Variants in PSME4 observed in about 807,000 individuals in gnomAD.
PSME4 encodes the protein proteasome activator subunit 4.
In PSME4, 89 loss-of-function variants were observed where a neutral mutation model predicts 253.9. The ratio of observed to expected loss-of-function variants is 0.35; its 90% CI spans 0.30 to 0.42. PSME4 has a LOEUF of 0.42. PSME4 is among the 10% of genes least tolerant of loss of function. PSME4 has a pLI of 1.00. For missense variants in PSME4, 2,014 were observed against 2,195.2 expected (o/e 0.92, Z 1.65); for synonymous variants, 851 against 759.2 (o/e 1.12, Z -1.99).
chr2:53,970,544 T>A lies in PSME4; in HGVS notation c.241A>T (p.Thr81Ser), dbSNP rs1298249318. The A allele has an allele frequency of 1.3e-6, 2 of 1,547,030 alleles. No individual in the cohort carries two copies. Among genetic ancestry groups the A allele is most frequent in the Admixed American group, 3.9e-5 (2 of 50,814 alleles). Reference protein sequence around the residue: ...GGLFWTRKLSTYIRLYGRKFS... With the variant: ...GGLFWTRKLSSYIRLYGRKFS... Reference sequence around the variant, plus strand: ...GCCCGCAGGCCCGGGCACACTTACGTGGAGAGTTTCCTGGTCCAGAAGAGG... The same window carrying A: ...GCCCGCAGGCCCGGGCACACTTACGAGGAGAGTTTCCTGGTCCAGAAGAGG... Residue 81 changes from threonine to serine, a missense_variant and splice_region_variant, in exon 1 of 47, where the codon ACA (threonine) becomes TCA (serine). Around this residue, in one of 4 missense-constraint regions of PSME4, gnomAD observed 615 missense variants for 594.4 expected, o/e 1.03. Transcript: ENST00000404125.
rs551948630 is a variant in PSME4, at chr2:53,914,546, T to C, written c.2517-4416A>G. On this transcript the variant is annotated intron_variant, in intron 20 of 46. Coordinates refer to ENST00000404125, the MANE Select transcript of PSME4 (RefSeq NM_014614.3). ...TATCCTTAATTACCCACAATTACTT[T>C]ATTATATCCATCCTTTGAAACTGTA... 8.5e-5 allele frequency among the ~76,000 whole-genome samples: 13 copies of C among 152,358 alleles called. No homozygotes were observed. The South Asian group carries it at 2.3e-3, about 27-fold the overall frequency.
chr2:53,915,195 C>T (rs996212211), intron 20 of PSME4, among the ~76,000 whole-genome samples: 11 of 152,158 alleles, frequency 7.2e-5, no homozygotes, highest in African/African-American at 2.7e-4. Context: ...AATCCCAGCA[C>T]TTTTGGATGT....
chr2:53,927,987 A>G (rs1002469654), intron 11 of PSME4, 130 bp downstream of exon 11: 2 of 649,470 alleles, frequency 3.1e-6, no homozygotes, highest in Admixed American at 6.3e-5. Context: ...TACTTTAATA[A>G]TTAAATTATA....
intron 1 of PSME4, among the ~76,000 whole-genome samples, chr2:53,965,662 GTTTT>G (rs1259494431): frequency 2.7e-5 from 3 of 112,836 alleles, no homozygotes; most frequent in African/African-American, 6.5e-5. Flanking sequence ...TTGGTTGTGT[GTTTT>G]TTTGTTTTTT....
rs377135115 is a variant in PSME4 at position 53,920,154 on chromosome 2, T to C, written c.2420+39A>G. 3.1e-5 allele frequency: 48 copies of C among 1,530,560 alleles called. No individual in the cohort carries two copies. The African/African-American group carries it at 6.7e-4, about 21-fold the overall frequency. 94.8% of individuals were successfully genotyped at this position (1,530,560 alleles called of 1,614,324 possible). Reference sequence around the variant, plus strand: ...ATAAAGCCAAAAAAGACTTCTTTAGTCTGCAACTGAATAACTCTAATTATA... The same window carrying C: ...ATAAAGCCAAAAAAGACTTCTTTAGCCTGCAACTGAATAACTCTAATTATA... On this transcript the variant is annotated intron_variant, in intron 19 of 46. Transcript: ENST00000404125.
intron 3 of PSME4, 25 bp downstream of exon 3, chr2:53,948,396 A>G: frequency 6.8e-7 from 1 of 1,479,988 alleles, no homozygotes; most frequent in Non-Finnish European, 9.4e-7. Flanking sequence ...ACTCCCAAAT[A>G]AGTGCTTTAA....
intron 10 of PSME4, among the ~76,000 whole-genome samples, chr2:53,931,452 C>T (rs934875918): frequency 5.3e-5 from 8 of 152,112 alleles, no homozygotes; most frequent in Admixed American, 5.2e-4. Context: ...ATAATAAACA[C>T]AATTTTCTTC....
intron 1 of PSME4, among the ~76,000 whole-genome samples, chr2:53,958,533 C>G (rs1431336816): frequency 1.3e-5 from 2 of 152,042 alleles, no homozygotes; most frequent in Non-Finnish European, 2.9e-5. Context: ...AAAACACACA[C>G]GAGTCTTAAT....
chr2:53,910,294 G>C (rs181341818), intron 20 of PSME4, among the ~76,000 whole-genome samples, 164 bp from the exon 21 acceptor site: 5 of 152,208 alleles, frequency 3.3e-5, no homozygotes, highest in African/African-American at 1.2e-4. Flanking sequence ...TCTTTCTCAA[G>C]ATGAATGCTG....
intron 8 of PSME4, 91 bp from the exon 9 acceptor site, chr2:53,932,851 T>A (rs1250994533): frequency 2.2e-6 from 2 of 922,996 alleles, no homozygotes; most frequent in Admixed American, 3.9e-5. Context: ...AAATCACTAA[T>A]ACAGTTTATA....
At chr2:53,900,339 G>A (rs1240302549) in intron 28 of PSME4, among the ~76,000 whole-genome samples, 1 of 151,578 alleles carries the variant, frequency 6.6e-6, no homozygotes, top group Non-Finnish European at 1.5e-5. Context: ...TGAGGGGACT[G>A]CTTGAGGCCA....
At chr2:53,900,710 CAAA>C (rs564239140) in intron 28 of PSME4, among the ~76,000 whole-genome samples, 55 of 152,190 alleles carry the variant, frequency 3.6e-4, no homozygotes, top group Non-Finnish European at 6.2e-4. Context: ...ATGACAGTCG[CAAA>C]TAGCAACCCT....
chr2:53,901,422 T>G lies in PSME4; in HGVS notation c.3213A>C (p.Ser1071=). ...CAAGATCATCAAACAATCTCACTAT[T>G]GATGGCTTTTCCAGGGACATTGCTT... ...LSQAMSLEKP[S]IVRLFDDLAE... is the part of the protein sequence containing the mutation. The change falls in exon 28 of 47, where the codon TCA becomes TCC. Residue 1071 remains serine (S), a synonymous_variant. Transcript: ENST00000404125. 6.2e-7 allele frequency: 1 copy of G among 1,614,200 alleles called. No homozygotes were observed. The highest frequency in any genetic ancestry group is 8.5e-7 in the Non-Finnish European group (1 of 1,180,018).
chr2:53,950,326 T>C lies in PSME4; in HGVS notation c.243-1043A>G, dbSNP rs142087434. ...AGATTGCCAAATAAGTATCTTATGGTAACTGAGTTATCATCAATATCTAAT... is the reference window on the plus strand; with the variant it reads ...AGATTGCCAAATAAGTATCTTATGGCAACTGAGTTATCATCAATATCTAAT... On this transcript the variant is annotated intron_variant, in intron 1 of 46. Coordinates refer to ENST00000404125, the MANE Select transcript of PSME4 (RefSeq NM_014614.3). Among the ~76,000 whole-genome samples the C allele has an allele frequency of 2.8e-3, 432 of 151,954 alleles. 3 individuals carry two copies. Among genetic ancestry groups the C allele is most frequent in the Non-Finnish European group, 4.6e-3 (314 of 67,960 alleles).
At chr2:53,897,746 A>T in intron 31 of PSME4, 124 bp downstream of exon 31, 1 of 1,120,206 alleles carries the variant, frequency 8.9e-7, no homozygotes, top group Non-Finnish European at 1.3e-6. Context: ...ACAGGGGGAG[A>T]TTTCAAATCA....
intron 44 of PSME4, among the ~76,000 whole-genome samples, chr2:53,869,170 C>G (rs896247938): frequency 2.0e-5 from 3 of 152,124 alleles, no homozygotes; most frequent in African/African-American, 7.2e-5. Context: ...TCTACAGGTT[C>G]CTTTCTATCT....
chr2:53,901,545 A>G lies in PSME4; in HGVS notation c.3090T>C (p.Cys1030=). Residue 1030 remains cysteine (C), a synonymous_variant, in exon 28 of 47, where the codon TGT becomes TGC. Transcript: ENST00000404125. ...ACACACCACTGTGATTTCCAAGGAGACAGTACAAGGCACCCTGCAGAAAAA... is the reference window on the plus strand; with the variant it reads ...ACACACCACTGTGATTTCCAAGGAGGCAGTACAAGGCACCCTGCAGAAAAA... ...TQQQFKGALY[C]LLGNHSGVCL... 6.2e-7 allele frequency: 1 copy of G among 1,612,004 alleles called. No individual in the cohort carries two copies. Among genetic ancestry groups the G allele is most frequent in the Middle Eastern group, 1.7e-4 (1 of 6,048 alleles).
intron 46 of PSME4, 139 bp downstream of exon 46, chr2:53,865,946 T>C (rs1391598337): frequency 4.4e-6 from 4 of 911,402 alleles, no homozygotes; most frequent in South Asian, 2.0e-5. Flanking sequence ...GCAAAAGCCA[T>C]GTTTAAAAAC....
chr2:53,942,306 CTAAA>C (rs1463821784), intron 3 of PSME4: 2 of 151,716 alleles, frequency 1.3e-5, no homozygotes, highest in African/African-American at 2.4e-5. Context: ...TGAATAATCA[CTAAA>C]TACTTTCCAA....
Sources: gnomAD v4.1 joint callset for allele counts (sites outside exome capture counted in the v4.1 genomes callset) on GRCh38, gnomAD v4.1.1 for gene constraint, gnomAD v4.1.1 regional missense constraint, MANE v1.5 for transcripts, NCBI Gene and HGNC (gene_info 2026-07-23, HGNC 2026-07-21) for gene names.